CRYBG1: variants seen among roughly 807,000 people sequenced by gnomAD.
The protein encoded by CRYBG1 is crystallin beta-gamma domain containing 1, also known as beta/gamma crystallin domain-containing protein 1.
A neutral mutation model predicts 189.2 loss-of-function variants in CRYBG1; 139 were observed. The ratio of observed to expected loss-of-function variants is 0.73; its 90% confidence interval spans 0.64 to 0.85. CRYBG1 has a LOEUF of 0.85. CRYBG1 is among the 40% of genes least tolerant of loss of function. CRYBG1 has a pLI of 0.00. For synonymous variants in CRYBG1, 1,023 were observed against 1,017.1 expected, an observed-to-expected ratio of 1.01 and a Z score of -0.11; for missense variants, 2,611 against 2,675.8, an observed-to-expected ratio of 0.98 and a Z score of 0.53.
chr6:106,450,411 G>A (rs1178422139), intron 1 of CRYBG1, among the ~76,000 whole-genome samples: 1 of 152,090 alleles, frequency 6.6e-6, no homozygotes, highest in Admixed American at 6.6e-5. Context: ...AAATGCTGAG[G>A]TCTTGCATTT....
At chr6:106,385,557 G>T (rs1372592517) in intron 1 of CRYBG1, among the ~76,000 whole-genome samples, 1 of 152,184 alleles carries the variant, frequency 6.6e-6, no homozygotes, top group African/African-American at 2.4e-5. Flanking sequence ...CTGCAGATGT[G>T]ATGTTGGTTG....
intron 1 of CRYBG1, among the ~76,000 whole-genome samples, chr6:106,393,307 G>A (rs1303416971): frequency 6.6e-6 from 1 of 152,126 alleles, no homozygotes; most frequent in East Asian, 1.9e-4. Flanking sequence ...TGGCTGTCGT[G>A]CTCTCTATAG....
intron 1 of CRYBG1, among the ~76,000 whole-genome samples, chr6:106,409,247 G>C (rs919956568): frequency 8.6e-5 from 13 of 152,042 alleles, no homozygotes; most frequent in Non-Finnish European, 1.5e-4. Flanking sequence ...CAGAGAGCCA[G>C]ATCATGAGTG....
At chr6:106,424,550 C>T (rs542312765) in intron 1 of CRYBG1, among the ~76,000 whole-genome samples, 1 of 152,276 alleles carries the variant, frequency 6.6e-6, no homozygotes, top group South Asian at 2.1e-4. Context: ...CAACCTCCGC[C>T]TCCCAGGTTC....
chr6:106,449,063 G>A (rs142740483), intron 1 of CRYBG1, among the ~76,000 whole-genome samples: 1 of 152,300 alleles, frequency 6.6e-6, no homozygotes, highest in East Asian at 1.9e-4. Context: ...GCTTCTGTGA[G>A]TTGGACTGTT....
chr6:106,487,269 A>G (rs1453728119), intron 2 of CRYBG1, among the ~76,000 whole-genome samples: 1 of 152,080 alleles, frequency 6.6e-6, no homozygotes, highest in Non-Finnish European at 1.5e-5. Flanking sequence ...CCACTTAACT[A>G]TTGATGTTTT....
At chr6:106,418,125 A>C (rs1034345179) in intron 1 of CRYBG1, among the ~76,000 whole-genome samples, 2 of 152,242 alleles carry the variant, frequency 1.3e-5, no homozygotes, top group African/African-American at 4.8e-5. Context: ...ATCTAGTGAC[A>C]AAACAGCTTT....
intron 1 of CRYBG1, among the ~76,000 whole-genome samples, chr6:106,447,148 G>A (rs181666911): frequency 1.4e-4 from 22 of 152,172 alleles, no homozygotes; most frequent in African/African-American, 5.3e-4. Context: ...ATAGCATTTG[G>A]CGGTTGTTTT....
intron 8 of CRYBG1, among the ~76,000 whole-genome samples, chr6:106,537,801 A>G (rs1415890331): frequency 6.6e-6 from 1 of 152,094 alleles, no homozygotes; most frequent in Non-Finnish European, 1.5e-5. Flanking sequence ...CTGACCTCCT[A>G]CCCATATCCC....
intron 1 of CRYBG1, among the ~76,000 whole-genome samples, chr6:106,373,690 A>G (rs146312122): frequency 3.3e-5 from 5 of 152,340 alleles, no homozygotes; most frequent in African/African-American, 1.2e-4. Context: ...TAGGTCACAG[A>G]AAAGAGTAAC....
intron 2 of CRYBG1, among the ~76,000 whole-genome samples, chr6:106,494,734 T>C (rs1297040189): frequency 6.6e-6 from 1 of 152,246 alleles, no homozygotes; most frequent in Non-Finnish European, 1.5e-5. Flanking sequence ...TTAAGTATTA[T>C]GAGGTGAGCA....
intron 2 of CRYBG1, among the ~76,000 whole-genome samples, chr6:106,474,692 G>A (rs1461108993): frequency 6.6e-6 from 1 of 152,158 alleles, no homozygotes; most frequent in African/African-American, 2.4e-5. Context: ...CTGTGTGCAG[G>A]GAATGTGTCC....
intron 1 of CRYBG1, among the ~76,000 whole-genome samples, chr6:106,439,544 G>C (rs78622114): frequency 6.6e-6 from 1 of 152,134 alleles, no homozygotes; most frequent in African/African-American, 2.4e-5. Flanking sequence ...TCTCCTGTGA[G>C]CAGAGATTGT....
At chr6:106,457,173 A>T (rs1771906445) in intron 2 of CRYBG1, 1 of 152,318 alleles carries the variant, frequency 6.6e-6, no homozygotes, top group Admixed American at 6.5e-5. Context: ...GGCTACATCC[A>T]AGGTCGAGGG....
intron 1 of CRYBG1, among the ~76,000 whole-genome samples, chr6:106,389,995 ATTG>A (rs1770470528): frequency 1.3e-5 from 2 of 152,082 alleles, no homozygotes; most frequent in African/African-American, 4.8e-5. Flanking sequence ...CTTTGGAAAA[ATTG>A]TTGTTTTTGT....
At chr6:106,549,108 G>A (rs892198924) in intron 13 of CRYBG1, among the ~76,000 whole-genome samples, 5 of 152,032 alleles carry the variant, frequency 3.3e-5, no homozygotes, top group Non-Finnish European at 7.4e-5. Flanking sequence ...ATTCCATGGT[G>A]TATATGTGCC....
intron 13 of CRYBG1, among the ~76,000 whole-genome samples, chr6:106,550,502 G>C (rs1180300854): frequency 6.6e-6 from 1 of 151,980 alleles, no homozygotes; most frequent in Non-Finnish European, 1.5e-5. Flanking sequence ...TCATTAAATT[G>C]GTTTTGTTGA....
intron 1 of CRYBG1, among the ~76,000 whole-genome samples, chr6:106,423,489 G>T (rs1771167820): frequency 6.6e-6 from 1 of 151,790 alleles, no homozygotes; most frequent in East Asian, 1.9e-4. Context: ...TTTTACCTGT[G>T]TTATAGATAT....
chr6:106,461,438 T>C (rs1194242538), intron 2 of CRYBG1, among the ~76,000 whole-genome samples: 2 of 152,202 alleles, frequency 1.3e-5, no homozygotes, highest in Admixed American at 6.5e-5. Context: ...ATCATCCTCA[T>C]AATAAAGAGG....
Sources: allele counts gnomAD v4.1 joint callset (sites outside exome capture counted in the v4.1 genomes callset), GRCh38; gene constraint gnomAD v4.1.1; transcripts MANE v1.5; gene names NCBI Gene and HGNC (gene_info 2026-07-23, HGNC 2026-07-21).